The following DDX6 variants were observed in gnomAD, a reference collection of about 807,000 sequenced individuals.
DDX6 encodes the protein DEAD-box helicase 6.
In DDX6, 7 loss-of-function variants were observed where a neutral mutation model predicts 60.6. That is an observed-to-expected ratio of 0.12 (90% CI 0.07 to 0.22). The LOEUF is 0.22. DDX6 is among the 10% of genes least tolerant of loss of function. The probability of loss-of-function intolerance (pLI) is 1.00; values close to 1 mark genes in which losing one functional copy is unlikely to be tolerated. For missense variants in DDX6, 270 were observed against 589.9 expected, an observed-to-expected ratio of 0.46 and a Z score of 5.62; for synonymous variants, 207 against 201.0, an observed-to-expected ratio of 1.03 and a Z score of -0.25.
chr11:118,791,290 ATTCGCCGC>A (rs1862271565), upstream of DDX6: 1 of 151,894 alleles, frequency 6.6e-6, no homozygotes, highest in South Asian at 2.1e-4. Context: ...CCGCGGCTAT[ATTCGCCGC>A]GGCGTCACTG....
In DDX6 at chr11:118,752,048, CA is replaced by C; in HGVS notation, c.*56del. On this transcript the variant is annotated 3_prime_UTR_variant, in exon 14 of 14. Transcript: ENST00000534980. ...CCCACAAAGAGAGGAGCATTCCCCC[CA>C]AAACGATGTGTCACAGATCCAAACG... 1 of 245,524 alleles carries C rather than the reference CA, an allele frequency of 4.1e-6. No individual in the cohort carries two copies. Among genetic ancestry groups the C allele is most frequent in the Non-Finnish European group, 8.3e-6 (1 of 120,902 alleles). The allele number at this position is 245,524 out of a possible 1,614,324, so 15.2% of individuals were successfully genotyped here. A position where few individuals can be genotyped will look rare whatever the true frequency, so the allele number is the denominator to read the frequency against.
At chr11:118,767,474 C>T (rs1555161473) in intron 5 of DDX6, among the ~76,000 whole-genome samples, 1 of 152,232 alleles carries the variant, frequency 6.6e-6, no homozygotes, top group South Asian at 2.1e-4. Flanking sequence ...TTCCCCACTG[C>T]CTAGGCTCTT....
In DDX6 at chr11:118,780,262, T is replaced by C. The variant is rs971033238; in HGVS notation, c.265-526A>G. Reference sequence around the variant, plus strand: ...CTGAAGAAAAACCACTGTCCCTGCTTTGACACACAAGCTTTTTAAAAAACT... The same window carrying C: ...CTGAAGAAAAACCACTGTCCCTGCTCTGACACACAAGCTTTTTAAAAAACT... On this transcript the variant is annotated intron_variant, in intron 3 of 13. Coordinates refer to ENST00000534980, the MANE Select transcript of DDX6 (RefSeq NM_004397.6). Among the ~76,000 whole-genome samples the C allele has an allele frequency of 3.3e-5, 5 of 152,178 alleles. No individual in the cohort carries two copies. The East Asian group carries it at 7.7e-4, about 23-fold the overall frequency.
chr11:118,756,440 A>C (rs11217016), intron 10 of DDX6, 117 bp from the exon 11 acceptor site: 160,577 of 635,166 alleles, frequency 0.25, 20,530 homozygotes, highest in South Asian at 0.37. Context: ...GTGATCCATG[A>C]TATTAAGCTG....
At chr11:118,779,509 A>C in intron 4 of DDX6, 123 bp downstream of exon 4, 1 of 589,664 alleles carries the variant, frequency 1.7e-6, no homozygotes, top group Non-Finnish European at 2.9e-6. Context: ...TAAAAATTTC[A>C]GAAAAAGTGT....
chr11:118,757,406 T>C, intron 9 of DDX6, 119 bp from the exon 10 acceptor site: 1 of 525,452 alleles, frequency 1.9e-6, no homozygotes. Context: ...ACTTAGAATC[T>C]CATGATATGA....
At chr11:118,777,514 C>A (rs973803381) in intron 4 of DDX6, among the ~76,000 whole-genome samples, 2 of 152,140 alleles carry the variant, frequency 1.3e-5, no homozygotes, top group African/African-American at 4.8e-5. Context: ...TACTACTCCA[C>A]ACTAAAAAGA....
chr11:118,787,772 G>A (rs1372525684), intron 1 of DDX6: 4 of 152,092 alleles, frequency 2.6e-5, no homozygotes, highest in African/African-American at 9.7e-5. Context: ...CCCAAGGACG[G>A]ATGATATACA....
chr11:118,780,415 T>C (rs1458931382), intron 3 of DDX6, among the ~76,000 whole-genome samples: 1 of 152,022 alleles, frequency 6.6e-6, no homozygotes, highest in Non-Finnish European at 1.5e-5. Context: ...CCTCCCAAGT[T>C]CAAGTAATTC....
In DDX6 at chr11:118,748,067, A is replaced by ATT. The variant is rs1225486145; in HGVS notation, c.*4036_*4037dup. The ATT allele has an allele frequency of 2.0e-5, 3 of 151,764 alleles. No individual in the cohort carries two copies. The highest frequency in any genetic ancestry group is 2.0e-4 in the Admixed American group (3 of 15,220). The allele number at this position is 151,764 out of a possible 1,614,324, so 9.4% of individuals were successfully genotyped here. On this transcript the variant is annotated 3_prime_UTR_variant, in exon 14 of 14. Transcript: ENST00000534980. ...TACCATTTTTACTGAACAAAAAATA[A>ATT]TTTTTTTTCCTGTTTCAAAAAAGGG...
chr11:118,753,500 C>G (rs1460247333), intron 13 of DDX6, among the ~76,000 whole-genome samples: 1 of 151,390 alleles, frequency 6.6e-6, no homozygotes, highest in Non-Finnish European at 1.5e-5. Context: ...TCACCATGCC[C>G]GGCTAATTTT....
In DDX6 at chr11:118,769,323, T is replaced by C. The variant is rs1179372378; in HGVS notation, c.370-971A>G. Among the ~76,000 whole-genome samples the C allele has an allele frequency of 2.0e-5, 3 of 152,200 alleles. No homozygotes were observed. The East Asian group carries it at 5.8e-4, about 29-fold the overall frequency. The stretch of plus-strand genomic sequence containing the variant: ...ATTTATATAATAAGTAAATCTCCAA[T>C]GTCTGTCCCACAGCCTACTTCTCTG... On this transcript the variant is annotated intron_variant, in intron 4 of 13. Coordinates refer to ENST00000534980, the MANE Select transcript of DDX6 (RefSeq NM_004397.6).
rs569945358 is a variant in DDX6, at chr11:118,763,442, C to T, written c.647-136G>A. 1.2e-5 allele frequency: 8 copies of T among 690,936 alleles called. 1 individual carries two copies. The highest frequency in any genetic ancestry group is 1.0e-4 in the South Asian group (6 of 58,734). The allele number at this position is 690,936 out of a possible 1,614,324, so 42.8% of individuals were successfully genotyped here. On this transcript the variant is annotated intron_variant, in intron 6 of 13. Coordinates refer to ENST00000534980, the MANE Select transcript of DDX6 (RefSeq NM_004397.6). ...CATTGCTATGTGATGGTATAGCCTA[C>T]TCCATTGTATAGCTCCATTATAATC...
At chr11:118,772,929 G>A (rs1490509555) in intron 4 of DDX6, among the ~76,000 whole-genome samples, 4 of 152,136 alleles carry the variant, frequency 2.6e-5, no homozygotes, top group South Asian at 2.1e-4. Flanking sequence ...CTGGGCCAGC[G>A]GAATGTTGCC....
intron 2 of DDX6, 76 bp from the exon 3 acceptor site, chr11:118,781,260 T>C: frequency 1.1e-6 from 1 of 925,600 alleles, no homozygotes; most frequent in Non-Finnish European, 1.7e-6. Context: ...CAATTATAAT[T>C]AAGTGTTAAA....
chr11:118,756,116 G>A (rs74337439), intron 11 of DDX6, 144 bp downstream of exon 11: 20,324 of 589,364 alleles, frequency 0.034, 536 homozygotes, highest in Non-Finnish European at 0.041. Context: ...GCTGACAAGA[G>A]TTCATTTTCA....
At chr11:118,754,314 C>A (rs1042384238) in intron 13 of DDX6, among the ~76,000 whole-genome samples, 4 of 152,304 alleles carry the variant, frequency 2.6e-5, no homozygotes, top group African/African-American at 9.6e-5. Context: ...GCCTACAGTT[C>A]CAGCTACTCA....
At position 118,756,142 on chromosome 11, in the gene DDX6, G is replaced by C. The variant is rs188762070; in HGVS notation, c.1174+118C>G. Reference sequence around the variant, plus strand: ...TTCATTTTCAACTTCAGAAATCCTAGAAGTAGTGGTAGGGTGTGTCGGACT... The same window carrying C: ...TTCATTTTCAACTTCAGAAATCCTACAAGTAGTGGTAGGGTGTGTCGGACT... On this transcript the variant is annotated intron_variant, in intron 11 of 13. Transcript: ENST00000534980. The C allele has an allele frequency of 1.9e-4, 134 of 698,180 alleles. 1 individual carries two copies. The East Asian group carries it at 2.4e-3, about 13-fold the overall frequency. 43.2% of individuals were successfully genotyped at this position (698,180 alleles called of 1,614,324 possible). A position where few individuals can be genotyped will look rare whatever the true frequency, so the allele number is the denominator to read the frequency against.
intron 13 of DDX6, among the ~76,000 whole-genome samples, chr11:118,754,025 G>C (rs1178847242): frequency 1.3e-5 from 2 of 152,158 alleles, no homozygotes; most frequent in African/African-American, 2.4e-5. Flanking sequence ...TTGAACCTGG[G>C]AGGCAGAGGT....
Sources: gnomAD v4.1 joint callset for allele counts (sites outside exome capture counted in the v4.1 genomes callset) on GRCh38, gnomAD v4.1.1 for gene constraint, MANE v1.5 for transcripts, NCBI Gene and HGNC (gene_info 2026-07-23, HGNC 2026-07-21) for gene names.